Variants in FYB1 observed in about 807,000 individuals in gnomAD.
FYB1 encodes the protein FYN-binding protein 1.
Under a neutral mutation model 94.1 loss-of-function variants are expected in FYB1, and 41 were observed. That is an observed-to-expected ratio of 0.44 (90% CI 0.34 to 0.57). FYB1 has a LOEUF of 0.57. Among genes scored for constraint, FYB1 ranks in the 20% least tolerant of loss-of-function variants. FYB1 has a pLI of 0.02. For missense variants in FYB1, 1,050 were observed against 976.8 expected, an observed-to-expected ratio of 1.07 and a Z score of -1.00; for synonymous variants, 367 against 353.2, an observed-to-expected ratio of 1.04 and a Z score of -0.44.
intron 1 of FYB1, among the ~76,000 whole-genome samples, chr5:39,252,117 C>A (rs1045651069): frequency 4.6e-5 from 7 of 151,890 alleles, no homozygotes; most frequent in Non-Finnish European, 8.8e-5. Context: ...TGGACTCCAG[C>A]CTGAGCGACA....
chr5:39,204,108 C>A (rs553097502), intron 1 of FYB1, among the ~76,000 whole-genome samples: 14 of 152,254 alleles, frequency 9.2e-5, no homozygotes, highest in Admixed American at 5.2e-4. Flanking sequence ...CATACCCAGG[C>A]ACATTTCATC....
intron 1 of FYB1, among the ~76,000 whole-genome samples, chr5:39,247,071 C>CATATATATAT (rs3085950): frequency 3.2e-4 from 21 of 65,612 alleles, no homozygotes; most frequent in Non-Finnish European, 4.5e-4. Flanking sequence ...AATGCGTGTT[C>CATATATATAT]ATATATATAT....
At position 39,107,350 on chromosome 5, in the gene FYB1, C is replaced by T. The variant is rs1340903951; in HGVS notation, c.*93G>A. 1.2e-5 allele frequency: 9 copies of T among 778,326 alleles called. No homozygotes were observed. The highest frequency in any genetic ancestry group is 1.8e-5 in the African/African-American group (1 of 55,548). The allele number at this position is 778,326 out of a possible 1,614,324, so 48.2% of individuals were successfully genotyped here. A position where few individuals can be genotyped will look rare whatever the true frequency, so the allele number is the denominator to read the frequency against. ...ACAAATGATAATAAGTGGTTTTGTG[C>T]ATTAATTTTCTTGATACCCAATAAC... On this transcript the variant is annotated 3_prime_UTR_variant, in exon 19 of 19. Coordinates refer to ENST00000512982, the MANE Select transcript of FYB1 (RefSeq NM_001465.6).
chr5:39,153,611 A>G lies in FYB1; in HGVS notation c.1136-7T>C. ...GTCTGGCCTTTGCTAGTACCTAAGAAGCAAAGCAAACAATACCATGAATTA... is the reference window on the plus strand; with the variant it reads ...GTCTGGCCTTTGCTAGTACCTAAGAGGCAAAGCAAACAATACCATGAATTA... On this transcript the variant is annotated splice_region_variant and splice_polypyrimidine_tract_variant and intron_variant, in intron 2 of 18. Transcript: ENST00000512982. 1 of 1,602,160 alleles carries G rather than the reference A, an allele frequency of 6.2e-7. No homozygotes were observed. Among genetic ancestry groups the G allele is most frequent in the African/African-American group, 1.3e-5 (1 of 74,282 alleles).
rs553953787 is a variant in FYB1 at position 39,132,648 on chromosome 5, C to G, written c.1817+1560G>C. Among the ~76,000 whole-genome samples, 208 of 152,238 alleles carry G rather than the reference C, an allele frequency of 1.4e-3. 1 individual carries two copies. The highest frequency in any genetic ancestry group is 5.0e-3 in the African/African-American group (206 of 41,546). On this transcript the variant is annotated intron_variant, in intron 9 of 18. Coordinates refer to ENST00000512982, the MANE Select transcript of FYB1 (RefSeq NM_001465.6). ...TAATGCTAGTTTTGGGAAATATTCA[C>G]CCAATATGGTTAAACAAAGTTTCAT...
At chr5:39,244,645 C>T (rs1282447105) in intron 1 of FYB1, among the ~76,000 whole-genome samples, 1 of 152,116 alleles carries the variant, frequency 6.6e-6, no homozygotes, top group Non-Finnish European at 1.5e-5. Context: ...CAGTATGATT[C>T]TGGCTTCATA....
In FYB1 at chr5:39,129,832, C is replaced by T. The variant is rs577874391; in HGVS notation, c.1840+758G>A. 2.6e-5 allele frequency among the ~76,000 whole-genome samples: 4 copies of T among 151,710 alleles called. No homozygotes were observed. In the South Asian group the frequency reaches 8.4e-4, roughly 32 times the overall value. On this transcript the variant is annotated intron_variant, in intron 10 of 18. Transcript: ENST00000512982. ...CATACTGTCGGTGGGAATATATATTCATACAGTCATTATGGAGATTTTTCA... is the reference window on the plus strand; with the variant it reads ...CATACTGTCGGTGGGAATATATATTTATACAGTCATTATGGAGATTTTTCA...
At chr5:39,174,392 A>G (rs1022485176) in intron 2 of FYB1, among the ~76,000 whole-genome samples, 1 of 152,186 alleles carries the variant, frequency 6.6e-6, no homozygotes, top group Non-Finnish European at 1.5e-5. Flanking sequence ...CTAGGACTGA[A>G]AGTCTTTGAA....
At chr5:39,230,076 C>T (rs1370317206) in intron 1 of FYB1, among the ~76,000 whole-genome samples, 1 of 152,176 alleles carries the variant, frequency 6.6e-6, no homozygotes, top group Non-Finnish European at 1.5e-5. Flanking sequence ...ATAACGTCCC[C>T]ATCTTCCAAA....
chr5:39,171,269 A>G (rs1441687769), intron 2 of FYB1, among the ~76,000 whole-genome samples: 2 of 151,854 alleles, frequency 1.3e-5, no homozygotes, highest in African/African-American at 4.9e-5. Context: ...TAGCCTGGGC[A>G]ACAGACACTC....
At chr5:39,115,423 A>T (rs1209547459) in intron 16 of FYB1, among the ~76,000 whole-genome samples, 3 of 152,284 alleles carry the variant, frequency 2.0e-5, no homozygotes, top group African/African-American at 7.2e-5. Context: ...AGGGAATGAC[A>T]AGTAAATAGT....
At chr5:39,239,149 A>C (rs963457375) in intron 1 of FYB1, among the ~76,000 whole-genome samples, 5 of 152,174 alleles carry the variant, frequency 3.3e-5, no homozygotes, top group Non-Finnish European at 7.3e-5. Flanking sequence ...CTATGCATTG[A>C]AGGAACATAC....
rs576443016 is a variant in FYB1 at position 39,262,545 on chromosome 5, A to G, written c.-28+11858T>C. On this transcript the variant is annotated intron_variant, in intron 1 of 1. Transcript: ENST00000510188. Reference sequence around the variant, plus strand: ...AAATGGCAACTTTTGTAGAAGGCTGATGGGAGGTAAATCATTACAATGACC... The same window carrying G: ...AAATGGCAACTTTTGTAGAAGGCTGGTGGGAGGTAAATCATTACAATGACC... Among the ~76,000 whole-genome samples the G allele has an allele frequency of 3.9e-5, 6 of 152,358 alleles. No individual in the cohort carries two copies. The East Asian group carries it at 7.7e-4, about 20-fold the overall frequency.
chr5:39,210,084 C>A (rs1749224669), intron 1 of FYB1, among the ~76,000 whole-genome samples: 1 of 152,198 alleles, frequency 6.6e-6, no homozygotes, highest in African/African-American at 2.4e-5. Flanking sequence ...AGGCTCTGGG[C>A]GAAGGCATGG....
intron 2 of FYB1, among the ~76,000 whole-genome samples, chr5:39,158,546 G>C (rs1306986203): frequency 6.6e-6 from 1 of 152,186 alleles, no homozygotes; most frequent in Non-Finnish European, 1.5e-5. Flanking sequence ...TATACTCATG[G>C]GAAATGGAAA....
At chr5:39,204,070 A>G (rs924582124) in intron 1 of FYB1, among the ~76,000 whole-genome samples, 1 of 151,972 alleles carries the variant, frequency 6.6e-6, no homozygotes, top group Non-Finnish European at 1.5e-5. Context: ...ATGCTTTCCT[A>G]CCTCTCATCC....
At chr5:39,265,698 C>T (rs1752409282) in intron 1 of FYB1, among the ~76,000 whole-genome samples, 1 of 152,082 alleles carries the variant, frequency 6.6e-6, no homozygotes, top group Non-Finnish European at 1.5e-5. Context: ...TGCACATTTC[C>T]AGGCCCCATC....
chr5:39,214,593 C>G (rs757133725), intron 1 of FYB1, among the ~76,000 whole-genome samples: 12 of 152,260 alleles, frequency 7.9e-5, no homozygotes, highest in Admixed American at 1.3e-4. Context: ...CAAGGAGAAA[C>G]CTTGAAGACA....
intron 1 of FYB1, among the ~76,000 whole-genome samples, chr5:39,262,410 A>G (rs1178692399): frequency 1.3e-5 from 2 of 152,222 alleles, no homozygotes; most frequent in Non-Finnish European, 2.9e-5. Flanking sequence ...CTCAGTTATA[A>G]TCAGAAAAAT....
Sources: allele counts gnomAD v4.1 joint callset (sites outside exome capture counted in the v4.1 genomes callset), GRCh38; gene constraint gnomAD v4.1.1; transcripts MANE v1.5; gene names NCBI Gene and HGNC (gene_info 2026-07-23, HGNC 2026-07-21).